The following PLEKHG1 variants were observed in gnomAD, a reference collection of about 807,000 sequenced individuals.
The protein encoded by PLEKHG1 is pleckstrin homology domain-containing family G member 1.
Under a neutral mutation model 100.8 loss-of-function variants are expected in PLEKHG1, and 44 were observed. That is an observed-to-expected ratio of 0.44 (90% CI 0.34 to 0.56). The LOEUF is 0.56. Ranked by LOEUF, PLEKHG1 falls within the 20% of genes least tolerant of loss-of-function variation. PLEKHG1 has a pLI of 0.01. For synonymous variants in PLEKHG1, 640 were observed against 662.5 expected (o/e 0.97, Z 0.52); for missense variants, 1,545 against 1,720.9 (o/e 0.90, Z 1.81).
At chr6:150,677,398 C>T (rs1290618428) in intron 3 of PLEKHG1, among the ~76,000 whole-genome samples, 1 of 152,162 alleles carries the variant, frequency 6.6e-6, no homozygotes, top group Non-Finnish European at 1.5e-5. Flanking sequence ...GGCACTCCCT[C>T]TCCTTAAAAG....
At position 150,662,142 on chromosome 6, in the gene PLEKHG1, A is replaced by G. The variant is rs928855225; in HGVS notation, c.-99+11356A>G. 2.6e-5 allele frequency among the ~76,000 whole-genome samples: 4 copies of G among 152,124 alleles called. No homozygotes were observed. In the East Asian group the frequency reaches 7.7e-4, roughly 29 times the overall value. ...GGATAGTGTTAGGTTGAAGGAGAGA[A>G]GGCAGGGGATAAGGAAATGTTTTTC... is the stretch of plus-strand genomic sequence containing the variant. On this transcript the variant is annotated intron_variant, in intron 3 of 3. Coordinates refer to the PLEKHG1 transcript ENST00000367326.
rs1416965933 is a variant in PLEKHG1 at position 150,674,058 on chromosome 6, AATTT to A, written c.-99+23278_-99+23281del. Among the ~76,000 whole-genome samples, 105 of 152,158 alleles carry A rather than the reference AATTT, an allele frequency of 6.9e-4. 3 individuals are homozygous for A. Among genetic ancestry groups the A allele is most frequent in the Admixed American group, 2.0e-4 (3 of 15,284 alleles). Reference sequence around the variant, plus strand: ...ACACACAAAGTGTGTAGACATGAGGAATTTATTTAAGGAAAAAAAGAATCTTTGA... The same window carrying A: ...ACACACAAAGTGTGTAGACATGAGGAATTTAAGGAAAAAAAGAATCTTTGA... On this transcript the variant is annotated intron_variant, in intron 3 of 3. Transcript: ENST00000367326.
intron 2 of PLEKHG1, among the ~76,000 whole-genome samples, chr6:150,745,596 T>C (rs1370030101): frequency 6.6e-6 from 1 of 150,934 alleles, no homozygotes; most frequent in African/African-American, 2.4e-5. Flanking sequence ...GGCAGGAGAA[T>C]CGCTTGAACC....
chr6:150,824,331 T>C (rs1341271255), intron 14 of PLEKHG1, among the ~76,000 whole-genome samples: 3 of 152,226 alleles, frequency 2.0e-5, no homozygotes, highest in Non-Finnish European at 4.4e-5. Context: ...ATCAGTTGGC[T>C]TAATTAACAA....
At chr6:150,731,938 T>C (rs1782279934) in intron 1 of PLEKHG1, among the ~76,000 whole-genome samples, 1 of 151,244 alleles carries the variant, frequency 6.6e-6, no homozygotes, top group East Asian at 2.0e-4. Context: ...AACATCATAT[T>C]TAAATGCTGT....
intron 15 of PLEKHG1, among the ~76,000 whole-genome samples, chr6:150,835,174 A>T (rs1469667046): frequency 4.6e-5 from 7 of 151,998 alleles, no homozygotes; most frequent in Non-Finnish European, 1.5e-5. Flanking sequence ...TCACCCAACC[A>T]GGTCCAGTTG....
chr6:150,615,450 T>C (rs755361985), intron 1 of PLEKHG1, among the ~76,000 whole-genome samples: 1 of 152,186 alleles, frequency 6.6e-6, no homozygotes, highest in Non-Finnish European at 1.5e-5. Context: ...AGTTCTCTGT[T>C]AACTCTCCCT....
intron 14 of PLEKHG1, among the ~76,000 whole-genome samples, chr6:150,827,247 G>A (rs1776659701): frequency 1.3e-5 from 2 of 148,330 alleles, no homozygotes; most frequent in African/African-American, 2.5e-5. Flanking sequence ...TTAATTTGAT[G>A]TAAATTTACA....
intron 1 of PLEKHG1, among the ~76,000 whole-genome samples, chr6:150,731,616 C>T (rs2128616447): frequency 6.6e-6 from 1 of 152,248 alleles, no homozygotes; most frequent in African/African-American, 2.4e-5. Context: ...ATTCTTTTTA[C>T]TGTGTTTGTC....
chr6:150,691,819 A>G (rs1780357981), intron 3 of PLEKHG1, among the ~76,000 whole-genome samples: 1 of 152,262 alleles, frequency 6.6e-6, no homozygotes, highest in Non-Finnish European at 1.5e-5. Flanking sequence ...GTCAGATGAT[A>G]AAATCAGTTA....
chr6:150,677,371 C>T (rs1244867325), intron 3 of PLEKHG1, among the ~76,000 whole-genome samples: 1 of 152,072 alleles, frequency 6.6e-6, no homozygotes, highest in East Asian at 1.9e-4. Flanking sequence ...GGATAGGCAC[C>T]ATGAGTCTTT....
intron 2 of PLEKHG1, among the ~76,000 whole-genome samples, chr6:150,757,074 T>C (rs748366785): frequency 4.1e-4 from 62 of 152,334 alleles, no homozygotes; most frequent in Non-Finnish European, 6.8e-4. Flanking sequence ...AGTGGCTCAC[T>C]GTAACCTCTG....
intron 14 of PLEKHG1, among the ~76,000 whole-genome samples, chr6:150,826,248 G>C (rs1390408711): frequency 6.6e-6 from 1 of 151,542 alleles, no homozygotes; most frequent in Non-Finnish European, 1.5e-5. Flanking sequence ...GCCTAAGCTT[G>C]GGAGTTCACG....
chr6:150,821,797 C>T (rs1424361957), intron 13 of PLEKHG1, among the ~76,000 whole-genome samples: 4 of 151,450 alleles, frequency 2.6e-5, no homozygotes, highest in African/African-American at 9.7e-5. Context: ...TAAAGAAACT[C>T]CATACATCAA....
chr6:150,839,970 C>G (rs1322117215), exon 16 of PLEKHG1: 1 of 1,613,898 alleles, frequency 6.2e-7, no homozygotes, highest in Admixed American at 1.7e-5. Flanking sequence ...CCAGGTCCAC[C>G]ATGGTAGTGG....
rs577568702 is a variant in PLEKHG1, at chr6:150,621,022, C to CT, written c.-203-17057dup. Among the ~76,000 whole-genome samples, 54 of 152,288 alleles carry CT rather than the reference C, an allele frequency of 3.5e-4. No individual in the cohort carries two copies. In the South Asian group the frequency reaches 7.7e-3, roughly 22 times the overall value. ...CTTTGGCCTCTCTTGGATTGAATCT[C>CT]TAAGTTCCTGACTTTAGTCTCTCTG... On this transcript the variant is annotated intron_variant, in intron 1 of 3. Coordinates refer to the PLEKHG1 transcript ENST00000367326.
intron 1 of PLEKHG1, among the ~76,000 whole-genome samples, chr6:150,629,956 A>C (rs1777679813): frequency 6.6e-6 from 1 of 152,192 alleles, no homozygotes. Context: ...TAGACAAAGA[A>C]TATTTTATTT....
chr6:150,778,387 C>T (rs1204219150), intron 3 of PLEKHG1, among the ~76,000 whole-genome samples: 2 of 152,134 alleles, frequency 1.3e-5, no homozygotes, highest in African/African-American at 4.8e-5. Flanking sequence ...CTCAGCCTCC[C>T]AAAGTGTTGG....
intron 5 of PLEKHG1, among the ~76,000 whole-genome samples, chr6:150,798,104 G>A (rs993837503): frequency 2.6e-5 from 4 of 151,984 alleles, no homozygotes; most frequent in Non-Finnish European, 1.5e-5. Flanking sequence ...CCATCTTAAT[G>A]CTGAAAACAT....
Sources: gnomAD v4.1 joint callset for allele counts (sites outside exome capture counted in the v4.1 genomes callset) on GRCh38, gnomAD v4.1.1 for gene constraint, MANE v1.5 for transcripts, NCBI Gene and HGNC (gene_info 2026-07-23, HGNC 2026-07-21) for gene names.